The following SAXO1 variants were observed in gnomAD, a reference collection of about 807,000 sequenced individuals.
The protein encoded by SAXO1 is 4930500O09Rik.
In SAXO1, 21 loss-of-function variants were observed where a neutral mutation model predicts 17.5. The ratio of observed to expected loss-of-function variants is 1.20; its 90% CI spans 0.85 to 1.72. The LOEUF is 1.72. Among genes scored for constraint, SAXO1 ranks in the 40% most tolerant of loss-of-function variants. SAXO1 has a pLI of 0.00. For missense variants in SAXO1, 843 were observed against 596.0 expected, an observed-to-expected ratio of 1.41 and a Z score of -4.32; for synonymous variants, 274 against 216.5, an observed-to-expected ratio of 1.27 and a Z score of -2.33.
intron 1 of SAXO1, among the ~76,000 whole-genome samples, chr9:18,962,314 C>T (rs1399434516): frequency 1.3e-5 from 2 of 152,148 alleles, no homozygotes; most frequent in South Asian, 2.1e-4. Context: ...ATGATCTGCC[C>T]GCCTTGGCCT....
At chr9:18,963,256 TG>T (rs1442962676) in intron 1 of SAXO1, among the ~76,000 whole-genome samples, 2 of 152,068 alleles carry the variant, frequency 1.3e-5, no homozygotes, top group African/African-American at 4.8e-5. Flanking sequence ...TTGTTCTTTT[TG>T]CTTAGTTTTA....
chr9:18,941,516 G>A, intron 3 of SAXO1, 121 bp downstream of exon 3: 2 of 1,102,770 alleles, frequency 1.8e-6, no homozygotes, highest in Non-Finnish European at 2.7e-6. Context: ...GCCAGATCTG[G>A]CCCGTAGGAA....
chr9:19,038,663 G>A (rs1335207989), intron 1 of SAXO1, among the ~76,000 whole-genome samples: 2 of 150,574 alleles, frequency 1.3e-5, no homozygotes, highest in Non-Finnish European at 3.0e-5. Flanking sequence ...GCTAAATGAC[G>A]AGTTAATGGG....
chr9:18,937,916 C>G (rs992525547), intron 3 of SAXO1, among the ~76,000 whole-genome samples: 27 of 152,266 alleles, frequency 1.8e-4, no homozygotes, highest in South Asian at 1.7e-3. Flanking sequence ...AAAAAAAAAC[C>G]TCATAAGACA....
chr9:18,935,569 T>C (rs531130366), intron 3 of SAXO1, among the ~76,000 whole-genome samples: 1 of 152,308 alleles, frequency 6.6e-6, no homozygotes, highest in South Asian at 2.1e-4. Flanking sequence ...GATGGGTTTC[T>C]TTCTGATTGC....
intron 1 of SAXO1, among the ~76,000 whole-genome samples, chr9:19,017,225 G>C (rs1835014871): frequency 6.6e-6 from 1 of 152,066 alleles, no homozygotes; most frequent in Admixed American, 6.6e-5. Flanking sequence ...AAAATCTGGA[G>C]TGACACTGGA....
chr9:18,975,403 C>G (rs539993475), intron 1 of SAXO1, among the ~76,000 whole-genome samples: 1 of 152,216 alleles, frequency 6.6e-6, no homozygotes, highest in African/African-American at 2.4e-5. Flanking sequence ...ATATGTCAGA[C>G]ATGTCTAATC....
intron 1 of SAXO1, among the ~76,000 whole-genome samples, chr9:18,959,878 G>C (rs1286981672): frequency 6.6e-6 from 1 of 152,216 alleles, no homozygotes; most frequent in African/African-American, 2.4e-5. Flanking sequence ...GTAATGCCAA[G>C]GAGAGGCCCT....
chr9:18,986,387 T>G (rs1178593018), intron 1 of SAXO1, among the ~76,000 whole-genome samples: 1 of 152,208 alleles, frequency 6.6e-6, no homozygotes, highest in African/African-American at 2.4e-5. Flanking sequence ...GTTTTTTTAG[T>G]AAAATCAAAC....
upstream of SAXO1, among the ~76,000 whole-genome samples, chr9:19,038,099 A>G (rs1835986522): frequency 6.6e-6 from 1 of 152,370 alleles, no homozygotes; most frequent in East Asian, 1.9e-4. Flanking sequence ...TTAAAAAGTC[A>G]GGAAACAACA....
intron 1 of SAXO1, among the ~76,000 whole-genome samples, chr9:18,994,647 G>A (rs1013023537): frequency 6.6e-6 from 1 of 152,216 alleles, no homozygotes; most frequent in African/African-American, 2.4e-5. Flanking sequence ...AAACCGCCTG[G>A]GCTCAGCAGG....
intron 1 of SAXO1, among the ~76,000 whole-genome samples, chr9:19,003,465 G>C (rs569080437): frequency 6.6e-6 from 1 of 152,130 alleles, no homozygotes. Flanking sequence ...AACAAAGCTG[G>C]AGGCATCATG....
At chr9:19,008,897 C>T (rs1834603040) in intron 1 of SAXO1, among the ~76,000 whole-genome samples, 1 of 152,198 alleles carries the variant, frequency 6.6e-6, no homozygotes, top group African/African-American at 2.4e-5. Flanking sequence ...AACTTAGCAA[C>T]TCAGCGAGGG....
At chr9:19,007,437 A>T (rs1834531570) in intron 1 of SAXO1, among the ~76,000 whole-genome samples, 1 of 152,356 alleles carries the variant, frequency 6.6e-6, no homozygotes, top group East Asian at 1.9e-4. Context: ...TCAACTTTTT[A>T]AAATACGGAC....
chr9:18,953,341 AAC>A (rs767661949), intron 1 of SAXO1, among the ~76,000 whole-genome samples: 5 of 152,210 alleles, frequency 3.3e-5, no homozygotes, highest in Non-Finnish European at 5.9e-5. Flanking sequence ...TAAAAAATGT[AAC>A]ACACTCTAAG....
At chr9:19,025,611 C>T (rs923645775) in intron 1 of SAXO1, among the ~76,000 whole-genome samples, 2 of 152,134 alleles carry the variant, frequency 1.3e-5, no homozygotes, top group Non-Finnish European at 2.9e-5. Flanking sequence ...ATGGGACTAC[C>T]TTTTTTATGA....
chr9:19,027,991 G>A lies in SAXO1; in HGVS notation c.38+4880C>T, dbSNP rs115242580. On this transcript the variant is annotated intron_variant, in intron 1 of 3. Transcript: ENST00000380534. ...GACCCGCTGCACAGATGACTTCAACGGGGCCCAGTGCAAGGCTGTGTCTGT... is the reference window on the plus strand; with the variant it reads ...GACCCGCTGCACAGATGACTTCAACAGGGCCCAGTGCAAGGCTGTGTCTGT... 2,059 of 1,583,580 alleles carry A rather than the reference G, an allele frequency of 1.3e-3. 24 individuals carry two copies. The African/African-American group carries it at 0.024, about 19-fold the overall frequency.
intron 1 of SAXO1, among the ~76,000 whole-genome samples, chr9:18,990,094 C>T (rs1053613393): frequency 7.2e-5 from 11 of 151,954 alleles, no homozygotes; most frequent in Non-Finnish European, 1.5e-4. Flanking sequence ...CACATAGGTA[C>T]GCTCAGTGGC....
rs544799898 is a variant in SAXO1 at position 18,977,515 on chromosome 9, C to T, written c.39-26578G>A. Among the ~76,000 whole-genome samples, 77 of 152,200 alleles carry T rather than the reference C, an allele frequency of 5.1e-4. 1 individual carries two copies. Among genetic ancestry groups the T allele is most frequent in the Admixed American group, 1.4e-3 (21 of 15,278 alleles). On this transcript the variant is annotated intron_variant, in intron 1 of 3. Transcript: ENST00000380534. ...ATCTTTCGTTCGGTGAGATATATAG[C>T]TGATAAGGGGTGGAATACAAATTTA...
Sources: allele counts gnomAD v4.1 joint callset (sites outside exome capture counted in the v4.1 genomes callset), GRCh38; gene constraint gnomAD v4.1.1; transcripts MANE v1.5; gene names NCBI Gene and HGNC (gene_info 2026-07-23, HGNC 2026-07-21).